CDH10: variants seen among roughly 807,000 people sequenced by gnomAD.
CDH10 encodes the protein cadherin 10.
In CDH10, 30 loss-of-function variants were observed where a neutral mutation model predicts 73.1. The observed-to-expected ratio is 0.41, with a 90% CI of 0.31 to 0.56. The LOEUF is 0.56. Among genes scored for constraint, CDH10 ranks in the 20% least tolerant of loss-of-function variants. The pLI, the probability that CDH10 is intolerant of heterozygous loss-of-function variation, is 0.27. For synonymous variants in CDH10, 345 were observed against 348.2 expected, an observed-to-expected ratio of 0.99 and a Z score of 0.10; for missense variants, 815 against 973.7, an observed-to-expected ratio of 0.84 and a Z score of 2.17.
Position 24,498,424 on chromosome 5 carries a change from C to A in CDH10, c.1489G>T (p.Val497Leu). ...TGCCCTGGTCTGGCATTTTCACATA[C>A]AAAAGTGTCATAGAACACAGCAAAC... is the stretch of plus-strand genomic sequence containing the variant. ...PQFAVFYDTFVCENARPGQLI... is the reference protein window; with the variant it reads ...PQFAVFYDTFLCENARPGQLI... Residue 497 changes from valine to leucine, a missense_variant, in exon 9 of 12, where the codon GTA becomes TTA. By Grantham distance (32) the Val-to-Leu change is conservative (BLOSUM62 1). Coordinates refer to ENST00000264463, the MANE Select transcript of CDH10 (RefSeq NM_006727.5). 1.9e-6 allele frequency: 3 copies of A among 1,607,032 alleles called. No homozygotes were observed. The highest frequency in any genetic ancestry group is 2.6e-6 in the Non-Finnish European group (3 of 1,174,004).
intron 2 of CDH10, among the ~76,000 whole-genome samples, chr5:24,552,467 G>T (rs777986625): frequency 2.0e-5 from 3 of 151,804 alleles, no homozygotes; most frequent in Admixed American, 6.6e-5. Flanking sequence ...TAATCTGATA[G>T]AAATAGCTCA....
chr5:24,574,317 C>A (rs1745516468), intron 2 of CDH10, among the ~76,000 whole-genome samples: 1 of 152,044 alleles, frequency 6.6e-6, no homozygotes, highest in South Asian at 2.1e-4. Context: ...TTGATCACTG[C>A]GTATCTATTA....
At position 24,537,506 on chromosome 5, in the gene CDH10, T is replaced by G. The variant is rs1460697543; in HGVS notation, c.400A>C (p.Arg134=). 1.9e-6 allele frequency: 3 copies of G among 1,613,302 alleles called. No individual in the cohort carries two copies. The African/African-American group carries it at 4.0e-5, about 22-fold the overall frequency. ...GGCTCTACTGGCCTCAGAGTTCTTC[T>G]GTTAATAGCTTGTGCGCGTAGAGTA... The part of the protein sequence containing the change: ...FYTLRAQAIN[R]RTLRPVEPES... Residue 134 remains arginine, a synonymous_variant, in exon 3 of 12, where the codon AGA becomes CGA. Coordinates refer to ENST00000264463, the MANE Select transcript of CDH10 (RefSeq NM_006727.5).
At chr5:24,626,290 AAT>A (rs200279619) in intron 1 of CDH10, among the ~76,000 whole-genome samples, 2,171 of 152,196 alleles carry the variant, frequency 0.014, 38 homozygotes, top group African/African-American at 0.05. Context: ...TATATGGGAA[AAT>A]TTTTACATAA....
At chr5:24,640,137 T>G (rs779298568) in intron 1 of CDH10, among the ~76,000 whole-genome samples, 26 of 151,744 alleles carry the variant, frequency 1.7e-4, no homozygotes, top group Non-Finnish European at 3.1e-4. Flanking sequence ...ATACTGGCCA[T>G]AAAAATCACA....
At chr5:24,521,076 T>C (rs10056773) in intron 5 of CDH10, among the ~76,000 whole-genome samples, 73,455 of 151,774 alleles carry the variant, frequency 0.48, 17,886 homozygotes, top group East Asian at 0.58. Flanking sequence ...GCAAACACAG[T>C]TCTGCTATAT....
chr5:24,564,916 G>A lies in CDH10; in HGVS notation c.232-27242C>T, dbSNP rs141367838. On this transcript the variant is annotated intron_variant, in intron 2 of 11. Coordinates refer to ENST00000264463, the MANE Select transcript of CDH10 (RefSeq NM_006727.5). The stretch of plus-strand genomic sequence containing the variant: ...TGCCCTGCTCATTCTGCTCTCATCT[G>A]ATCCTCTCACTGGGCCAGTCCATTG... Among the ~76,000 whole-genome samples, 447 of 152,138 alleles carry A rather than the reference G, an allele frequency of 2.9e-3. 1 individual carries two copies. The highest frequency in any genetic ancestry group is 4.4e-3 in the Non-Finnish European group (298 of 68,016).
At chr5:24,585,830 C>A (rs1375944823) in intron 2 of CDH10, among the ~76,000 whole-genome samples, 1 of 152,194 alleles carries the variant, frequency 6.6e-6, no homozygotes, top group Non-Finnish European at 1.5e-5. Context: ...TTCAGAAGCT[C>A]AGTTATCACA....
intron 5 of CDH10, among the ~76,000 whole-genome samples, chr5:24,520,778 G>A (rs111925180): frequency 0.011 from 1,663 of 152,090 alleles, 36 homozygotes; most frequent in African/African-American, 0.038. Context: ...CCAGGCTGGA[G>A]TGCAGTGGAG....
intron 5 of CDH10, among the ~76,000 whole-genome samples, chr5:24,518,857 A>T: frequency 6.8e-6 from 1 of 146,218 alleles, no homozygotes; most frequent in South Asian, 2.2e-4. Flanking sequence ...CTTGCAAGGG[A>T]CTAATTTTGA....
intron 9 of CDH10, among the ~76,000 whole-genome samples, chr5:24,496,680 C>A (rs975343160): frequency 6.6e-6 from 1 of 152,044 alleles, no homozygotes; most frequent in Non-Finnish European, 1.5e-5. Context: ...TGAGATATAC[C>A]TTAAGTAACT....
intron 9 of CDH10, among the ~76,000 whole-genome samples, chr5:24,497,916 T>C (rs949989636): frequency 1.3e-5 from 2 of 152,160 alleles, no homozygotes; most frequent in Non-Finnish European, 2.9e-5. Context: ...TGAAATGCAA[T>C]ATGTAAGTCT....
At chr5:24,590,159 C>T (rs534061400) in intron 2 of CDH10, among the ~76,000 whole-genome samples, 94 of 151,966 alleles carry the variant, frequency 6.2e-4, no homozygotes, top group Admixed American at 2.4e-3. Context: ...ATGGCGATCT[C>T]AACAAATAAA....
chr5:24,543,685 T>G (rs953779016), intron 2 of CDH10, among the ~76,000 whole-genome samples: 1 of 152,008 alleles, frequency 6.6e-6, no homozygotes, highest in Non-Finnish European at 1.5e-5. Flanking sequence ...TAACTTTAAA[T>G]TTGCACCCAA....
At chr5:24,550,280 T>A (rs11951533) in intron 2 of CDH10, among the ~76,000 whole-genome samples, 3,771 of 152,280 alleles carry the variant, frequency 0.025, 72 homozygotes, top group Middle Eastern at 0.1. Flanking sequence ...ATAATTCTTC[T>A]TCAATACAAA....
intron 2 of CDH10, among the ~76,000 whole-genome samples, chr5:24,550,044 T>G (rs1315521535): frequency 6.6e-6 from 1 of 152,090 alleles, no homozygotes; most frequent in Non-Finnish European, 1.5e-5. Context: ...TGATCCCAGA[T>G]AAAATCACTG....
Position 24,575,038 on chromosome 5 carries a change from A to G in CDH10, c.231+18222T>C, listed in dbSNP as rs1456642997. 5.3e-5 allele frequency among the ~76,000 whole-genome samples: 8 copies of G among 152,152 alleles called. No individual in the cohort carries two copies. The East Asian group carries it at 1.6e-3, about 30-fold the overall frequency. ...ATGGTCACTCAAACGGATCTGAGAC[A>G]AGGAGGTTAATTTCACATTCAAAAT... is the stretch of plus-strand genomic sequence containing the variant. On this transcript the variant is annotated intron_variant, in intron 2 of 11. Coordinates refer to ENST00000264463, the MANE Select transcript of CDH10 (RefSeq NM_006727.5).
chr5:24,625,569 A>ATATTCATATATATGAATATATATGTG (rs1452365276), intron 1 of CDH10, among the ~76,000 whole-genome samples: 2 of 20,216 alleles, frequency 9.9e-5, no homozygotes, highest in East Asian at 6.9e-3. Context: ...ATATTCATAT[A>ATATTCATATATATGAATATATATGTG]TATACATATA....
At chr5:24,563,595 T>TATAAA (rs1267665246) in intron 2 of CDH10, among the ~76,000 whole-genome samples, 2,723 of 12,250 alleles carry the variant, frequency 0.22, 72 homozygotes, top group East Asian at 0.44. Flanking sequence ...CTACTAAAAA[T>TATAAA]ACAAAAAAAA....
Sources: gnomAD v4.1 joint callset for allele counts (sites outside exome capture counted in the v4.1 genomes callset) on GRCh38, gnomAD v4.1.1 for gene constraint, MANE v1.5 for transcripts, NCBI Gene and HGNC (gene_info 2026-07-23, HGNC 2026-07-21) for gene names.